Variants in HNF4A observed in about 807,000 individuals in gnomAD.
The protein encoded by HNF4A is hepatocyte nuclear factor 4-alpha.
HNF4A carries 15 observed loss-of-function variants against 52.4 expected under a neutral mutation model. That is an observed-to-expected ratio of 0.29 (90% CI 0.19 to 0.44). The LOEUF (loss-of-function observed/expected upper bound fraction) is 0.44. Among genes scored for constraint, HNF4A ranks in the 20% least tolerant of loss-of-function variants. The pLI, the probability that HNF4A is intolerant of heterozygous loss-of-function variation, is 1.00. For synonymous variants in HNF4A, 280 were observed against 264.4 expected (o/e 1.06, Z -0.57); for missense variants, 479 against 647.2 (o/e 0.74, Z 2.82).
At chr20:44,398,781 G>T (rs2063376121), upstream of HNF4A, among the ~76,000 whole-genome samples, 2 of 152,162 alleles carry the variant, frequency 1.3e-5, no homozygotes, top group Non-Finnish European at 2.9e-5. Context: ...GCTGTGGCAT[G>T]GTGTGGTTGA....
upstream of HNF4A, among the ~76,000 whole-genome samples, chr20:44,397,411 A>G (rs1245177382): frequency 2.0e-5 from 3 of 152,210 alleles, no homozygotes; most frequent in Non-Finnish European, 1.5e-5. Context: ...ATACATGCAT[A>G]CCATGCAAAG....
chr20:44,371,452 T>C (rs967730055), intron 1 of HNF4A, among the ~76,000 whole-genome samples: 1 of 152,184 alleles, frequency 6.6e-6, no homozygotes, highest in Non-Finnish European at 1.5e-5. Flanking sequence ...CTAATTTTTG[T>C]ATTTTTAGTA....
At chr20:44,398,420 C>A (rs952921437), upstream of HNF4A, among the ~76,000 whole-genome samples, 6 of 152,126 alleles carry the variant, frequency 3.9e-5, no homozygotes, top group African/African-American at 9.7e-5. Context: ...TATGTAGTAA[C>A]AATGAACAAC....
chr20:44,358,233 T>C (rs2062879025), intron 1 of HNF4A, among the ~76,000 whole-genome samples: 1 of 146,182 alleles, frequency 6.8e-6, no homozygotes, highest in African/African-American at 2.5e-5. Context: ...TACTGAAGTC[T>C]GCTGGAAGGC....
chr20:44,356,829 C>G (rs1030491959), intron 1 of HNF4A, among the ~76,000 whole-genome samples: 10 of 152,108 alleles, frequency 6.6e-5, no homozygotes, highest in Admixed American at 6.6e-4. Context: ...TTTTATAAAC[C>G]TGTTCAAATC....
chr20:44,432,247 A>G lies in HNF4A; in HGVS notation c.*2582A>G, dbSNP rs2063886276. ...CTACCCCTTTCTGGAGGAGAAACCC[A>G]TTCCACCTTAATAACTTTATTGTAA... On this transcript the variant is annotated 3_prime_UTR_variant, in exon 10 of 10. Transcript: ENST00000316099. 6.6e-6 allele frequency: 1 copy of G among 151,588 alleles called. No homozygotes were observed. Among genetic ancestry groups the G allele is most frequent in the African/African-American group, 2.4e-5 (1 of 41,268 alleles). The allele number at this position is 151,588 out of a possible 1,614,324, so 9.4% of individuals were successfully genotyped here.
chr20:44,385,868 TG>T (rs1004944607), intron 1 of HNF4A, among the ~76,000 whole-genome samples: 2 of 151,766 alleles, frequency 1.3e-5, no homozygotes, highest in Admixed American at 6.6e-5. Context: ...TTTTTTTTGT[TG>T]TTTTTTTTAA....
rs927570965 is a variant in HNF4A, at chr20:44,380,954, T to C, written c.49+25101T>C. On this transcript the variant is annotated intron_variant, in intron 1 of 9. Coordinates refer to the HNF4A transcript ENST00000316673. ...GGTGTAAGGAAAGAGTCTGATTTCA[T>C]TCTTTTGCATGTGGATATACAGTTT... 5.3e-5 allele frequency among the ~76,000 whole-genome samples: 8 copies of C among 152,298 alleles called. No individual in the cohort carries two copies. In the East Asian group the frequency reaches 1.5e-3, roughly 29 times the overall value.
Position 44,427,018 on chromosome 20 carries a change from T to C in HNF4A, c.1130-1317T>C, listed in dbSNP as rs564710322. 3.9e-5 allele frequency among the ~76,000 whole-genome samples: 6 copies of C among 152,348 alleles called. No homozygotes were observed. In the East Asian group the frequency reaches 5.8e-4, roughly 15 times the overall value. ...AAGGCGAGGGTGAGGTTTCTCAACATTGGTACTATTGATACTTGGAACTGG... is the reference window on the plus strand; with the variant it reads ...AAGGCGAGGGTGAGGTTTCTCAACACTGGTACTATTGATACTTGGAACTGG... On this transcript the variant is annotated intron_variant, in intron 8 of 9. Transcript: ENST00000316099.
Position 44,419,842 on chromosome 20 carries a change from T to C in HNF4A, c.858T>C (p.Tyr286=). The change falls in exon 7 of 10, where the codon TAT becomes TAC. Residue 286 remains tyrosine (Y), a synonymous_variant. Coordinates refer to ENST00000316099, the MANE Select transcript of HNF4A (RefSeq NM_000457.6). ...AGCTGCAGATCGATGACAATGAGTA[T>C]GCCTACCTCAAAGCCATCATCTTCT... is the stretch of plus-strand genomic sequence containing the variant. The C allele has an allele frequency of 1.9e-6, 3 of 1,614,122 alleles. No homozygotes were observed. Among genetic ancestry groups the C allele is most frequent in the East Asian group, 2.2e-5 (1 of 44,878 alleles).
chr20:44,367,014 C>A (rs1482505291), intron 1 of HNF4A, among the ~76,000 whole-genome samples: 1 of 152,090 alleles, frequency 6.6e-6, no homozygotes, highest in Non-Finnish European at 1.5e-5. Context: ...AACACCATGG[C>A]CCAGGTACTA....
intron 1 of HNF4A, among the ~76,000 whole-genome samples, chr20:44,405,201 TC>T (rs1437618556): frequency 6.6e-6 from 1 of 152,162 alleles, no homozygotes; most frequent in Non-Finnish European, 1.5e-5. Context: ...AAGGGGTCTA[TC>T]TTTGCTGAAA....
At chr20:44,386,466 T>TG (rs2063225716) in intron 1 of HNF4A, among the ~76,000 whole-genome samples, 1 of 152,132 alleles carries the variant, frequency 6.6e-6, no homozygotes, top group Non-Finnish European at 1.5e-5. Flanking sequence ...CTCGCCCAGC[T>TG]GCCATCTGAA....
intron 1 of HNF4A, among the ~76,000 whole-genome samples, chr20:44,382,451 A>G (rs765410155): frequency 2.6e-4 from 39 of 152,016 alleles, no homozygotes; most frequent in Non-Finnish European, 4.3e-4. Context: ...GTTGGCCAAC[A>G]TGATCTCGAT....
intron 1 of HNF4A, among the ~76,000 whole-genome samples, chr20:44,363,305 G>GATT (rs2062936938): frequency 6.6e-6 from 1 of 152,056 alleles, no homozygotes; most frequent in Non-Finnish European, 1.5e-5. Context: ...GAATTTGAAC[G>GATT]ATTATTATTA....
intron 1 of HNF4A, among the ~76,000 whole-genome samples, chr20:44,387,660 G>T (rs1182890147): frequency 4.1e-5 from 4 of 96,424 alleles, no homozygotes; most frequent in South Asian, 4.6e-4. Flanking sequence ...GCAGGCGGGG[G>T]GGGGGGGAGG....
chr20:44,386,538 TGA>T (rs888844156), intron 1 of HNF4A, among the ~76,000 whole-genome samples: 2 of 152,206 alleles, frequency 1.3e-5, no homozygotes, highest in South Asian at 4.1e-4. Context: ...ATTGAATGAC[TGA>T]GAGAAAATTT....
At chr20:44,408,280 C>A (rs1472009922) in intron 3 of HNF4A, 1 of 155,040 alleles carries the variant, frequency 6.4e-6, no homozygotes, top group Non-Finnish European at 1.5e-5. Flanking sequence ...TAGGGCCCCA[C>A]AACTGATCCT....
At chr20:44,363,086 C>T (rs952784703) in intron 1 of HNF4A, among the ~76,000 whole-genome samples, 1 of 152,014 alleles carries the variant, frequency 6.6e-6, no homozygotes, top group African/African-American at 2.4e-5. Context: ...GAACTCCTGA[C>T]CTCAAGTGAT....
Sources: allele counts gnomAD v4.1 joint callset (sites outside exome capture counted in the v4.1 genomes callset), GRCh38; gene constraint gnomAD v4.1.1; transcripts MANE v1.5; gene names NCBI Gene and HGNC (gene_info 2026-07-23, HGNC 2026-07-21).